Variants in AMPH observed in about 807,000 individuals in gnomAD.
AMPH encodes amphiphysin (Stiff-Mann syndrome with breast cancer 128kD autoantigen).
A neutral mutation model predicts 99.1 loss-of-function variants in AMPH; 49 were observed. The ratio of observed to expected loss-of-function variants is 0.49; its 90% CI spans 0.39 to 0.63. The LOEUF is 0.63. AMPH is among the 20% of genes least tolerant of loss of function. The pLI, the probability that AMPH is intolerant of heterozygous loss-of-function variation, is 0.00. For missense variants in AMPH, 759 were observed against 863.4 expected (o/e 0.88, Z 1.52); for synonymous variants, 314 against 317.3 (o/e 0.99, Z 0.11).
intron 11 of AMPH, among the ~76,000 whole-genome samples, chr7:38,442,798 AC>A (rs1187608830): frequency 2.6e-5 from 4 of 151,206 alleles, no homozygotes; most frequent in African/African-American, 9.7e-5. Context: ...TAAAAAAAAA[AC>A]ATAAACAGAG....
chr7:38,611,053 G>T (rs1432682569), intron 1 of AMPH, among the ~76,000 whole-genome samples: 1 of 152,108 alleles, frequency 6.6e-6, no homozygotes, highest in African/African-American at 2.4e-5. Flanking sequence ...ATAGACAAGA[G>T]GTGTAAACAA....
rs1032853471 is a variant in AMPH at position 38,493,499 on chromosome 7, A to T, written c.300+934T>A. Among the ~76,000 whole-genome samples the T allele has an allele frequency of 5.9e-5, 9 of 152,202 alleles. 1 individual carries two copies. In the South Asian group the frequency reaches 1.7e-3, roughly 28 times the overall value. On this transcript the variant is annotated intron_variant, in intron 4 of 20. Coordinates refer to ENST00000356264, the MANE Select transcript of AMPH (RefSeq NM_001635.4). Reference sequence around the variant, plus strand: ...GATGAGGAAACTAAAGCCTAAGAAGATCAAAGAACTGGTCCAACGTCACAC... The same window carrying T: ...GATGAGGAAACTAAAGCCTAAGAAGTTCAAAGAACTGGTCCAACGTCACAC...
intron 1 of AMPH, among the ~76,000 whole-genome samples, chr7:38,536,970 T>G (rs997242443): frequency 5.9e-5 from 9 of 152,290 alleles, no homozygotes; most frequent in Admixed American, 3.3e-4. Context: ...GTGATAAGAT[T>G]AAGAGTGATC....
At chr7:38,606,093 T>G (rs1319990914) in intron 1 of AMPH, among the ~76,000 whole-genome samples, 4 of 152,274 alleles carry the variant, frequency 2.6e-5, no homozygotes, top group African/African-American at 9.6e-5. Context: ...ATGGGAGAGC[T>G]GGGACTCAAA....
chr7:38,622,479 G>A (rs62442573), intron 1 of AMPH, among the ~76,000 whole-genome samples: 9 of 102,150 alleles, frequency 8.8e-5, no homozygotes, highest in Admixed American at 3.9e-4. Flanking sequence ...ACACACACAC[G>A]CACAAACACA....
rs371904313 is a variant in AMPH at position 38,574,605 on chromosome 7, T to C, written c.70-39594A>G. Among the ~76,000 whole-genome samples the C allele has an allele frequency of 2.0e-5, 3 of 152,174 alleles. No homozygotes were observed. The South Asian group carries it at 6.2e-4, about 31-fold the overall frequency. On this transcript the variant is annotated intron_variant, in intron 1 of 20. Transcript: ENST00000356264. Reference sequence around the variant, plus strand: ...TGAAAAATGTAACAAAGAACACTTATTACAAGAATAAATATTTAGGGATAA... The same window carrying C: ...TGAAAAATGTAACAAAGAACACTTACTACAAGAATAAATATTTAGGGATAA...
intron 3 of AMPH, among the ~76,000 whole-genome samples, chr7:38,495,907 A>G (rs1282607497): frequency 6.6e-6 from 1 of 152,118 alleles, no homozygotes; most frequent in African/African-American, 2.4e-5. Context: ...AAGGTTAATG[A>G]ATGTACTGAA....
intron 9 of AMPH, chr7:38,464,131 C>T (rs2129009420): frequency 7.8e-7 from 1 of 1,289,710 alleles, no homozygotes; most frequent in Non-Finnish European, 1.0e-6. Context: ...GTGAAAGGAA[C>T]ATTCATTAAG....
At chr7:38,544,541 G>T (rs1162037516) in intron 1 of AMPH, among the ~76,000 whole-genome samples, 2 of 152,234 alleles carry the variant, frequency 1.3e-5, no homozygotes, top group African/African-American at 4.8e-5. Context: ...ATCAGGATGG[G>T]AGGAAGGGTC....
In AMPH at chr7:38,498,041, TTACTAA is replaced by T. The variant is rs765324659; in HGVS notation, c.206-3520_206-3515del. ...TACTGGACATCTCCACTTGGATGTC[TTACTAA>T]TACCTCAAACTTCACATGTCAAAAA... On this transcript the variant is annotated intron_variant, in intron 3 of 20. Coordinates refer to ENST00000356264, the MANE Select transcript of AMPH (RefSeq NM_001635.4). Among the ~76,000 whole-genome samples the T allele has an allele frequency of 6.1e-4, 93 of 152,334 alleles. 1 individual carries two copies. Among genetic ancestry groups the T allele is most frequent in the South Asian group, 4.2e-4 (2 of 4,814 alleles).
intron 11 of AMPH, among the ~76,000 whole-genome samples, chr7:38,441,220 A>G (rs1227231433): frequency 6.6e-6 from 1 of 152,154 alleles, no homozygotes; most frequent in Non-Finnish European, 1.5e-5. Context: ...GAGCTTCAAC[A>G]TAAAGCAAAA....
chr7:38,511,459 G>A (rs917273602), intron 2 of AMPH, among the ~76,000 whole-genome samples: 1 of 152,054 alleles, frequency 6.6e-6, no homozygotes, highest in African/African-American at 2.4e-5. Flanking sequence ...AGTAATAGAG[G>A]CTCCCAGAGT....
intron 2 of AMPH, among the ~76,000 whole-genome samples, chr7:38,529,326 T>C (rs1327096123): frequency 6.6e-5 from 10 of 152,212 alleles, no homozygotes; most frequent in Admixed American, 6.5e-4. Flanking sequence ...AGGAAGCACT[T>C]GTAAAAACTT....
At chr7:38,447,471 T>C (rs1404556013) in intron 11 of AMPH, among the ~76,000 whole-genome samples, 1 of 152,184 alleles carries the variant, frequency 6.6e-6, no homozygotes, top group African/African-American at 2.4e-5. Context: ...ATGCATCCTT[T>C]TGGGCATCAT....
intron 5 of AMPH, among the ~76,000 whole-genome samples, chr7:38,479,740 C>A (rs916706588): frequency 6.7e-6 from 1 of 149,054 alleles, no homozygotes; most frequent in African/African-American, 2.4e-5. Flanking sequence ...AAGGCAGCAA[C>A]TAAGAAATAA....
intron 3 of AMPH, among the ~76,000 whole-genome samples, chr7:38,498,277 C>T (rs769070072): frequency 3.3e-5 from 5 of 152,126 alleles, no homozygotes; most frequent in Non-Finnish European, 7.4e-5. Flanking sequence ...TCATCACCTA[C>T]GATTTAGATT....
At chr7:38,569,120 TC>T (rs968240162) in intron 1 of AMPH, among the ~76,000 whole-genome samples, 90 of 152,276 alleles carry the variant, frequency 5.9e-4, no homozygotes, top group African/African-American at 2.0e-3. Flanking sequence ...GATAATGTAA[TC>T]CAACCCTCAT....
intron 3 of AMPH, among the ~76,000 whole-genome samples, chr7:38,500,961 G>C (rs1490757801): frequency 1.3e-5 from 2 of 152,176 alleles, no homozygotes; most frequent in African/African-American, 4.8e-5. Context: ...CACATAGTAA[G>C]TGCTCATGAA....
chr7:38,403,679 T>C (rs977848436), intron 17 of AMPH, among the ~76,000 whole-genome samples: 25 of 152,310 alleles, frequency 1.6e-4, no homozygotes, highest in African/African-American at 5.5e-4. Context: ...GAAGGGGGAA[T>C]ACGGCCTGCC....
Sources: gnomAD v4.1 joint callset for allele counts (sites outside exome capture counted in the v4.1 genomes callset) on GRCh38, gnomAD v4.1.1 for gene constraint, MANE v1.5 for transcripts, NCBI Gene and HGNC (gene_info 2026-07-23, HGNC 2026-07-21) for gene names.